HLA-F: variants seen among roughly 807,000 people sequenced by gnomAD.
HLA-F encodes the protein HLA class I histocompatibility antigen, alpha chain F.
HLA-F carries 46 observed loss-of-function variants against 49.5 expected under a neutral mutation model. The ratio of observed to expected loss-of-function variants is 0.93; its 90% CI spans 0.73 to 1.19. The LOEUF is 1.19. Ranked by LOEUF, HLA-F falls within the 50% of genes most tolerant of loss-of-function variation. The pLI is 0.00. For missense variants in HLA-F, 496 were observed against 579.6 expected (o/e 0.86, Z 1.48); for synonymous variants, 203 against 233.5 (o/e 0.87, Z 1.19).
chr6:29,729,820 C>T (rs534044747), downstream of HLA-F, among the ~76,000 whole-genome samples: 113 of 152,198 alleles, frequency 7.4e-4, 1 homozygote, highest in South Asian at 4.6e-3. Context: ...CAATCTCATT[C>T]AAAAATGAGT....
chr6:29,727,221 A>G lies in HLA-F; in HGVS notation c.*46A>G. ...AAGACCCATGATACTAGACCACTAA[A>G]TACTTCATCACACACCTCCTAAGAA... is the stretch of plus-strand genomic sequence containing the variant. On this transcript the variant is annotated 3_prime_UTR_variant, in exon 7 of 7. Coordinates refer to ENST00000259951, the MANE Select transcript of HLA-F (RefSeq NM_001098479.2). 2 of 1,198,942 alleles carry G rather than the reference A, an allele frequency of 1.7e-6. No individual in the cohort carries two copies. Among genetic ancestry groups the G allele is most frequent in the Non-Finnish European group, 2.4e-6 (2 of 847,598 alleles). 74.3% of individuals were successfully genotyped at this position (1,198,942 alleles called of 1,614,324 possible).
At chr6:29,724,909 T>A in intron 3 of HLA-F, 122 bp from the exon 4 acceptor site, 2 of 1,111,688 alleles carry the variant, frequency 1.8e-6, no homozygotes, top group Non-Finnish European at 2.6e-6. Flanking sequence ...CAGGCTGGTG[T>A]CTGGGTTCTG....
chr6:29,726,827 G>T (rs1195290224), intron 6 of HLA-F, 56 bp from the exon 7 acceptor site: 2 of 1,576,336 alleles, frequency 1.3e-6, no homozygotes, highest in Non-Finnish European at 1.7e-6. Context: ...GGTGCTTGTT[G>T]GCTTTAACAT....
At chr6:29,728,188 A>T (rs921876496), downstream of HLA-F, 1 of 429,072 alleles carries the variant, frequency 2.3e-6, no homozygotes, top group African/African-American at 2.1e-5. Context: ...CAATACCAAG[A>T]TTGCCAAGGG....
chr6:29,734,832 C>T (rs1193927840), intron 3 of HLA-F, among the ~76,000 whole-genome samples: 1 of 152,160 alleles, frequency 6.6e-6, no homozygotes, highest in Non-Finnish European at 1.5e-5. Context: ...TTTCCTCCTG[C>T]CACCAGACCC....
chr6:29,724,259 G>T lies in HLA-F; in HGVS notation c.421G>T (p.Gly141Cys). Reference protein sequence around the residue: ...LRGYHQHAYDGKDYISLNEDL... With the variant: ...LRGYHQHAYDCKDYISLNEDL... ...CGGGTATCACCAGCACGCGTACGAC[G>T]GCAAGGATTACATCTCCCTGAACGA... is the stretch of plus-strand genomic sequence containing the variant. The change falls in exon 3 of 7, where the codon GGC (glycine) becomes TGC (cysteine). Residue 141 changes from glycine to cysteine, a missense_variant. Physicochemically the swap from Gly to Cys is radical, Grantham distance 159. Coordinates refer to ENST00000259951, the MANE Select transcript of HLA-F (RefSeq NM_001098479.2). 6.2e-7 allele frequency: 1 copy of T among 1,613,282 alleles called. No individual in the cohort carries two copies. Among genetic ancestry groups the T allele is most frequent in the Non-Finnish European group, 8.5e-7 (1 of 1,180,042 alleles).
At chr6:29,727,741 G>A (rs567916623), downstream of HLA-F, among the ~76,000 whole-genome samples, 2 of 152,236 alleles carry the variant, frequency 1.3e-5, no homozygotes, top group East Asian at 3.9e-4. Context: ...GCAGAACCAT[G>A]GGCTGGGTGT....
At chr6:29,732,985 C>T (rs1776751467) in intron 3 of HLA-F, among the ~76,000 whole-genome samples, 1 of 151,868 alleles carries the variant, frequency 6.6e-6, no homozygotes, top group Non-Finnish European at 1.5e-5. Context: ...GTCGGGAGTT[C>T]GAGACCAGAC....
chr6:29,727,992 T>C (rs17875388), downstream of HLA-F: 4,811 of 518,946 alleles, frequency 9.3e-3, 54 homozygotes, highest in African/African-American at 0.022. Context: ...CTCAAACAAG[T>C]ATTCTCATCC....
At position 29,725,246 on chromosome 6, in the gene HLA-F, C is replaced by T; in HGVS notation, c.826C>T (p.Gln276Ter). 1.9e-6 allele frequency: 3 copies of T among 1,613,476 alleles called. No homozygotes were observed. The change falls in exon 4 of 7, where the codon CAG becomes TAG. Residue 276 changes from glutamine (Q) to a stop codon, truncating the protein, a stop_gained. Coordinates refer to ENST00000259951, the MANE Select transcript of HLA-F (RefSeq NM_001098479.2). LOFTEE classifies it high-confidence loss of function. Reference sequence around the variant, plus strand: ...TGTGGTGGTGCCTCCTGGAGAGGAACAGAGATACACATGCCATGTGCAGCA... The same window carrying T: ...TGTGGTGGTGCCTCCTGGAGAGGAATAGAGATACACATGCCATGTGCAGCA... ...AAVVVPPGEEQRYTCHVQHEG... is the reference protein window; with the variant it reads ...AAVVVPPGEE
chr6:29,724,039 G>A (rs946859710), intron 2 of HLA-F, 112 bp downstream of exon 2: 3 of 1,545,534 alleles, frequency 1.9e-6, no homozygotes, highest in Admixed American at 3.9e-5. Flanking sequence ...AGCGGGACCC[G>A]CCCAGACCCT....
At chr6:29,736,161 GAC>G in intron 3 of HLA-F, 5 of 276,728 alleles carry the variant, frequency 1.8e-5, no homozygotes, top group South Asian at 1.7e-4. Flanking sequence ...GTTCCTGACT[GAC>G]CAAGCAACCC....
intron 3 of HLA-F, among the ~76,000 whole-genome samples, chr6:29,737,533 T>C (rs1481012293): frequency 1.3e-5 from 2 of 152,228 alleles, no homozygotes; most frequent in Admixed American, 6.5e-5. Flanking sequence ...GAGTTTATCA[T>C]TGAGCTGGGG....
intron 3 of HLA-F, among the ~76,000 whole-genome samples, chr6:29,733,030 A>C (rs188474835): frequency 6.6e-6 from 1 of 152,262 alleles, no homozygotes; most frequent in Non-Finnish European, 1.5e-5. Context: ...TCTACTAAAA[A>C]TACAAAAAAT....
At chr6:29,730,843 C>A (rs1326829756), downstream of HLA-F, among the ~76,000 whole-genome samples, 2 of 152,098 alleles carry the variant, frequency 1.3e-5, no homozygotes, top group African/African-American at 2.4e-5. Flanking sequence ...CATCATAGGA[C>A]CCCTGTGGCC....
chr6:29,728,369 C>T, downstream of HLA-F: 2 of 314,540 alleles, frequency 6.4e-6, no homozygotes, highest in Non-Finnish European at 1.3e-5. Flanking sequence ...ACCCACCTTC[C>T]CATGAGACTG....
downstream of HLA-F, among the ~76,000 whole-genome samples, chr6:29,731,643 C>T (rs1170996608): frequency 1.3e-5 from 2 of 152,176 alleles, no homozygotes; most frequent in Non-Finnish European, 2.9e-5. Context: ...CAGTCACTCA[C>T]ATGCCAATCC....
At chr6:29,734,665 T>C (rs886657286) in intron 3 of HLA-F, among the ~76,000 whole-genome samples, 4 of 152,198 alleles carry the variant, frequency 2.6e-5, no homozygotes, top group African/African-American at 7.2e-5. Flanking sequence ...ACAATATACA[T>C]GAACACAAAA....
chr6:29,726,832 T>C, intron 6 of HLA-F, 51 bp from the exon 7 acceptor site: 1 of 1,589,538 alleles, frequency 6.3e-7, no homozygotes, highest in Non-Finnish European at 8.5e-7. Context: ...TTGTTGGCTT[T>C]AACATCCACA....
Sources: gnomAD v4.1 joint callset for allele counts (sites outside exome capture counted in the v4.1 genomes callset) on GRCh38, gnomAD v4.1.1 for gene constraint, MANE v1.5 for transcripts, NCBI Gene and HGNC (gene_info 2026-07-23, HGNC 2026-07-21) for gene names.